Variants in DHRSX observed in about 807,000 individuals in gnomAD.
DHRSX encodes polyprenol dehydrogenase.
DHRSX carries 31 observed loss-of-function variants against 34.0 expected under a neutral mutation model. The observed-to-expected ratio is 0.91, with a 90% CI of 0.69 to 1.23. The LOEUF is 1.23. DHRSX is among the 50% of genes most tolerant of loss of function. The pLI, the probability that DHRSX is intolerant of heterozygous loss-of-function variation, is 0.00. For synonymous variants in DHRSX, 201 were observed against 183.8 expected, an observed-to-expected ratio of 1.09 and a Z score of -0.76; for missense variants, 414 against 428.1, an observed-to-expected ratio of 0.97 and a Z score of 0.29.
chrX:2,488,983 C>A (rs1258926847), intron 1 of DHRSX: 2 of 1,603,968 alleles, frequency 1.2e-6, no homozygotes, highest in South Asian at 1.1e-5. Context: ...GGCCAAGCAC[C>A]TTCTGGGACT....
At chrX:2,364,560 T>C (rs904788633) in intron 3 of DHRSX, among the ~76,000 whole-genome samples, 63 of 152,188 alleles carry the variant, frequency 4.1e-4, no homozygotes, top group Non-Finnish European at 8.1e-4. Context: ...TATCGACCTA[T>C]TTACCACCTA....
chrX:2,449,218 C>T (rs17462089), intron 1 of DHRSX, among the ~76,000 whole-genome samples: 94,651 of 150,722 alleles, frequency 0.63, 31,399 homozygotes, highest in African/African-American at 0.85. Context: ...GTCCACTCTG[C>T]ACCCTGACCA....
intron 4 of DHRSX, among the ~76,000 whole-genome samples, chrX:2,285,047 T>G (rs2041788334): frequency 6.6e-6 from 1 of 151,954 alleles, no homozygotes; most frequent in African/African-American, 2.4e-5. Flanking sequence ...TCTGGGGAAA[T>G]AGTTTAGGGC....
rs190469986 is a variant in DHRSX, at chrX:2,469,347, G to A, written c.109+31470C>T. 5.2e-3 allele frequency among the ~76,000 whole-genome samples: 788 copies of A among 150,736 alleles called. 11 individuals carry two copies. The highest frequency in any genetic ancestry group is 0.018 in the African/African-American group (736 of 40,906). ...CCGCCGCCATGTACACACTGAAGACGTTCCCTAAAAATGCAGCCAAGGGAC... is the reference window on the plus strand; with the variant it reads ...CCGCCGCCATGTACACACTGAAGACATTCCCTAAAAATGCAGCCAAGGGAC... On this transcript the variant is annotated intron_variant, in intron 1 of 6. Coordinates refer to ENST00000334651, the MANE Select transcript of DHRSX (RefSeq NM_145177.3).
Position 2,236,845 on chromosome X carries a change from T to C in DHRSX, c.804+6178A>G, listed in dbSNP as rs141894170. On this transcript the variant is annotated intron_variant, in intron 6 of 6. Coordinates refer to ENST00000334651, the MANE Select transcript of DHRSX (RefSeq NM_145177.3). ...AGTCAGGGACAGTCCCCAGGGGAAATAGAAGGTCCAGAGAGGGTGGTTAGA... is the reference window on the plus strand; with the variant it reads ...AGTCAGGGACAGTCCCCAGGGGAAACAGAAGGTCCAGAGAGGGTGGTTAGA... 1.5e-3 allele frequency among the ~76,000 whole-genome samples: 220 copies of C among 146,916 alleles called. 5 individuals are homozygous for C. The East Asian group carries it at 0.037, about 24-fold the overall frequency.
chrX:2,228,489 G>GAAGGGAGGAAGGAAGGAAAA (rs2015787385), intron 6 of DHRSX, among the ~76,000 whole-genome samples: 1 of 116,030 alleles, frequency 8.6e-6, no homozygotes, highest in East Asian at 2.6e-4. Flanking sequence ...AGGAAGGAAG[G>GAAGGGAGGAAGGAAGGAAAA]AAGGGAGGAA....
intron 1 of DHRSX, among the ~76,000 whole-genome samples, chrX:2,470,390 T>C (rs949977683): frequency 6.7e-6 from 1 of 149,994 alleles, no homozygotes; most frequent in Non-Finnish European, 1.5e-5. Flanking sequence ...AATGAAACCC[T>C]ATCTCTAAAC....
chrX:2,267,406 T>G (rs2041489467), intron 4 of DHRSX, among the ~76,000 whole-genome samples: 1 of 151,608 alleles, frequency 6.6e-6, no homozygotes, highest in Non-Finnish European at 1.5e-5. Context: ...TTAGCCAGGT[T>G]TGGTGGCAGG....
At chrX:2,369,480 T>C (rs1431398563) in intron 3 of DHRSX, among the ~76,000 whole-genome samples, 1 of 120,816 alleles carries the variant, frequency 8.3e-6, no homozygotes. Flanking sequence ...CCTATGTGTT[T>C]AGTTTTTGTT....
At chrX:2,325,832 A>G (rs763080350) in intron 3 of DHRSX, among the ~76,000 whole-genome samples, 9 of 125,856 alleles carry the variant, frequency 7.2e-5, no homozygotes, top group African/African-American at 9.7e-5. Context: ...CCCTTTCTCT[A>G]TAGAGAAAAC....
At chrX:2,441,751 C>T (rs1183276713) in intron 1 of DHRSX, among the ~76,000 whole-genome samples, 5 of 152,122 alleles carry the variant, frequency 3.3e-5, no homozygotes, top group Non-Finnish European at 7.3e-5. Context: ...TGGGTACACA[C>T]CCAGAGGAAT....
intron 6 of DHRSX, among the ~76,000 whole-genome samples, chrX:2,237,662 G>A (rs2016047370): frequency 6.6e-6 from 1 of 151,850 alleles, no homozygotes; most frequent in Non-Finnish European, 1.5e-5. Flanking sequence ...CTGCCACCAC[G>A]CCTGGCTAAT....
chrX:2,470,586 T>C (rs6641791), intron 1 of DHRSX, among the ~76,000 whole-genome samples: 15,470 of 151,954 alleles, frequency 0.1, 999 homozygotes, highest in Admixed American at 0.15. Flanking sequence ...TGTGCACCTG[T>C]AGTCCCAGCT....
At chrX:2,455,924 A>G (rs1209793585) in intron 1 of DHRSX, among the ~76,000 whole-genome samples, 1 of 151,984 alleles carries the variant, frequency 6.6e-6, no homozygotes, top group Non-Finnish European at 1.5e-5. Flanking sequence ...ATTCCTTTCA[A>G]TGTAGAAGGT....
At chrX:2,485,555 G>C (rs903005103) in intron 1 of DHRSX, among the ~76,000 whole-genome samples, 1 of 137,432 alleles carries the variant, frequency 7.3e-6, no homozygotes, top group African/African-American at 2.9e-5. Context: ...AGGGAGGGAG[G>C]GACAGAGGGA....
At chrX:2,421,305 A>C (rs955304732) in intron 2 of DHRSX, among the ~76,000 whole-genome samples, 2 of 152,074 alleles carry the variant, frequency 1.3e-5, no homozygotes, top group African/African-American at 4.8e-5. Flanking sequence ...GCTTGAGCCC[A>C]GGAGGCAGAG....
intron 4 of DHRSX, among the ~76,000 whole-genome samples, chrX:2,282,871 G>C (rs1205405013): frequency 6.9e-6 from 1 of 144,024 alleles, no homozygotes; most frequent in Admixed American, 6.9e-5. Flanking sequence ...GGGAGAGAGA[G>C]GGGGAGAGAG....
intron 3 of DHRSX, among the ~76,000 whole-genome samples, chrX:2,408,387 G>A (rs1002954271): frequency 1.3e-5 from 2 of 152,014 alleles, no homozygotes; most frequent in African/African-American, 2.4e-5. Flanking sequence ...TTTATCTTAA[G>A]TCAAGAACTC....
rs1350616295 is a variant in DHRSX, at chrX:2,235,733, T to C, written c.804+7290A>G. 2.3e-4 allele frequency among the ~76,000 whole-genome samples: 13 copies of C among 55,356 alleles called. 1 individual carries two copies. Among genetic ancestry groups the C allele is most frequent in the Admixed American group, 2.0e-3 (10 of 5,092 alleles). 36.3% of individuals were successfully genotyped at this position (55,356 alleles called of 152,430 possible). Reference sequence around the variant, plus strand: ...ACTCCAGCCTGGGCAACAGAGCATCTCAGGGGAAAAAAAAAAAAAAAAGGG... The same window carrying C: ...ACTCCAGCCTGGGCAACAGAGCATCCCAGGGGAAAAAAAAAAAAAAAAGGG... On this transcript the variant is annotated intron_variant, in intron 6 of 6. Transcript: ENST00000334651.
Sources: allele counts gnomAD v4.1 joint callset (sites outside exome capture counted in the v4.1 genomes callset), GRCh38; gene constraint gnomAD v4.1.1; transcripts MANE v1.5; gene names NCBI Gene and HGNC (gene_info 2026-07-23, HGNC 2026-07-21).